PIK3CA: variants seen among roughly 807,000 people sequenced by gnomAD.
PIK3CA encodes the protein phosphatidylinositol 4,5-bisphosphate 3-kinase catalytic subunit alpha isoform.
Under a neutral mutation model 138.2 loss-of-function variants are expected in PIK3CA, and 27 were observed. The observed-to-expected ratio is 0.20, with a 90% CI of 0.14 to 0.27. The LOEUF is 0.27. Among genes scored for constraint, PIK3CA ranks in the 10% least tolerant of loss-of-function variants. The pLI, the probability that PIK3CA is intolerant of heterozygous loss-of-function variation, is 1.00. For synonymous variants in PIK3CA, 358 were observed against 413.2 expected (o/e 0.87, Z 1.62); for missense variants, 544 against 1,277.4 (o/e 0.43, Z 8.75).
intron 1 of PIK3CA, among the ~76,000 whole-genome samples, chr3:179,157,555 AAT>A (rs1403060211): frequency 3.9e-5 from 6 of 152,144 alleles, no homozygotes; most frequent in Non-Finnish European, 7.4e-5. Context: ...AGCACAGTTA[AAT>A]GTATCATGCT....
At chr3:179,151,208 A>G (rs1723006021) in intron 1 of PIK3CA, among the ~76,000 whole-genome samples, 1 of 152,260 alleles carries the variant, frequency 6.6e-6, no homozygotes, top group South Asian at 2.1e-4. Flanking sequence ...CTATATTAAC[A>G]GTGCCGTAGA....
intron 14 of PIK3CA, among the ~76,000 whole-genome samples, chr3:179,222,665 C>T (rs1251642326): frequency 2.6e-5 from 4 of 152,200 alleles, no homozygotes; most frequent in Non-Finnish European, 5.9e-5. Flanking sequence ...CTCATGACTG[C>T]ATGGCTGACT....
chr3:179,170,076 G>GCGCACA (rs1553815527), intron 1 of PIK3CA, among the ~76,000 whole-genome samples: 4,926 of 139,262 alleles, frequency 0.035, 92 homozygotes, highest in Non-Finnish European at 0.046. Flanking sequence ...ACGCGCGCGC[G>GCGCACA]CACACACACA....
At chr3:179,210,695 A>G (rs1212560823) in intron 9 of PIK3CA, 130 bp downstream of exon 9, 6 of 845,354 alleles carry the variant, frequency 7.1e-6, no homozygotes, top group South Asian at 1.8e-5. Flanking sequence ...CAATATTGCA[A>G]TAGAATTAAG....
intron 14 of PIK3CA, among the ~76,000 whole-genome samples, chr3:179,221,696 C>CTTTTTTTTTT (rs200211358): frequency 2.6e-5 from 2 of 77,570 alleles, no homozygotes; most frequent in South Asian, 4.4e-4. Context: ...ACAATGTAAA[C>CTTTTTTTTTT]TTTTTTTTTT....
chr3:179,199,038 A>T lies in PIK3CA; in HGVS notation c.213A>T (p.Val71=), dbSNP rs879254355. The change falls in exon 2 of 21, where the codon GTA becomes GTT. Residue 71 remains valine, a synonymous_variant. Transcript: ENST00000263967. ...AAGATGAATCTTCTTACATTTTCGT[A>T]AGTGTTACTCAAGAAGCAGAAAGGG... ...LLQDESSYIF[V]SVTQEAEREE... 1 of 1,613,652 alleles carries T rather than the reference A, an allele frequency of 6.2e-7. No homozygotes were observed. The highest frequency in any genetic ancestry group is 1.1e-5 in the South Asian group (1 of 90,930).
At chr3:179,198,686 T>C in intron 1 of PIK3CA, 64 bp from the exon 2 acceptor site, 1 of 488,902 alleles carries the variant, frequency 2.0e-6, no homozygotes, top group Non-Finnish European at 3.6e-6. Context: ...ATTTTAGCAG[T>C]GTTATAAATG....
intron 1 of PIK3CA, among the ~76,000 whole-genome samples, chr3:179,191,013 G>A (rs139695046): frequency 1.7e-4 from 26 of 152,246 alleles, no homozygotes; most frequent in African/African-American, 5.8e-4. Context: ...TTGGGTGTGC[G>A]GACCTCTAGT....
chr3:179,163,372 G>T (rs186218034), intron 1 of PIK3CA, among the ~76,000 whole-genome samples: 3 of 152,066 alleles, frequency 2.0e-5, no homozygotes, highest in African/African-American at 7.2e-5. Flanking sequence ...TCTCAAATAA[G>T]ATTGGGGCAT....
chr3:179,226,909 A>C (rs775025523), intron 17 of PIK3CA, among the ~76,000 whole-genome samples: 25 of 152,060 alleles, frequency 1.6e-4, no homozygotes, highest in Non-Finnish European at 3.2e-4. Context: ...AAAAATGGTT[A>C]ATGTTATATG....
intron 1 of PIK3CA, among the ~76,000 whole-genome samples, chr3:179,170,403 T>A (rs1345307292): frequency 6.6e-6 from 1 of 152,224 alleles, no homozygotes; most frequent in East Asian, 1.9e-4. Flanking sequence ...TGGGGGACAT[T>A]GGAGGGGATA....
intron 14 of PIK3CA, among the ~76,000 whole-genome samples, chr3:179,222,616 C>T (rs1724993748): frequency 6.6e-6 from 1 of 152,140 alleles, no homozygotes; most frequent in Non-Finnish European, 1.5e-5. Context: ...CCAAAAAATG[C>T]TGGCCACACA....
chr3:179,148,870 A>G (rs902475560), intron 1 of PIK3CA, among the ~76,000 whole-genome samples: 1 of 151,426 alleles, frequency 6.6e-6, no homozygotes, highest in African/African-American at 2.4e-5. Context: ...TTCTACTCCC[A>G]GTTTTGGGGA....
At position 179,236,370 on chromosome 3, in the gene PIK3CA, A is replaced by G. The variant is rs935865264; in HGVS notation, c.*2006A>G. ...ACCAGAAAGATTATTTTGCAGTTGT[A>G]GAAGATTTCATAACTTATTAAAACT... On this transcript the variant is annotated 3_prime_UTR_variant, in exon 21 of 21. Transcript: ENST00000263967. 4.7e-6 allele frequency: 1 copy of G among 210,732 alleles called. No individual in the cohort carries two copies. Among genetic ancestry groups the G allele is most frequent in the Non-Finnish European group, 9.6e-6 (1 of 103,890 alleles). The allele number at this position is 210,732 out of a possible 1,614,324, so 13.1% of individuals were successfully genotyped here.
intron 1 of PIK3CA, among the ~76,000 whole-genome samples, chr3:179,163,099 A>G (rs996147922): frequency 1.3e-5 from 2 of 152,184 alleles, no homozygotes; most frequent in African/African-American, 4.8e-5. Context: ...TCTAAATATG[A>G]TAAAGAAGTA....
rs909526632 is a variant in PIK3CA, at chr3:179,187,883, C to T, written c.-76-10867C>T. On this transcript the variant is annotated intron_variant, in intron 1 of 20. Transcript: ENST00000263967. ...CGATCTCCTGACCTTGTGATCCGCC[C>T]GCCTCGGCCTCCCAAAATGCTGGGA... 2.6e-5 allele frequency among the ~76,000 whole-genome samples: 4 copies of T among 152,068 alleles called. No homozygotes were observed. In the South Asian group the frequency reaches 8.3e-4, roughly 32 times the overall value.
At chr3:179,176,242 A>G (rs547693296) in intron 1 of PIK3CA, among the ~76,000 whole-genome samples, 4 of 152,154 alleles carry the variant, frequency 2.6e-5, no homozygotes, top group East Asian at 3.8e-4. Flanking sequence ...TGATTTCTGC[A>G]TGATTGGGAA....
At chr3:179,186,093 T>G (rs1723975105) in intron 1 of PIK3CA, among the ~76,000 whole-genome samples, 1 of 152,162 alleles carries the variant, frequency 6.6e-6, no homozygotes, top group Admixed American at 6.6e-5. Flanking sequence ...TGAAGCAACC[T>G]AGGGGCTGCC....
chr3:179,192,196 C>T (rs1724153222), intron 1 of PIK3CA, among the ~76,000 whole-genome samples: 1 of 151,962 alleles, frequency 6.6e-6, no homozygotes, highest in Non-Finnish European at 1.5e-5. Context: ...CCAATGATGG[C>T]AAAAATGAGA....
Sources: allele counts gnomAD v4.1 joint callset (sites outside exome capture counted in the v4.1 genomes callset), GRCh38; gene constraint gnomAD v4.1.1; transcripts MANE v1.5; gene names NCBI Gene and HGNC (gene_info 2026-07-23, HGNC 2026-07-21).